The following SLC12A3 variants were observed in gnomAD, a reference collection of about 807,000 sequenced individuals.
SLC12A3 encodes Na-Cl cotransporter.
SLC12A3 carries 104 observed loss-of-function variants against 121.0 expected under a neutral mutation model. The observed-to-expected ratio is 0.86, with a 90% CI of 0.73 to 1.01. The LOEUF (loss-of-function observed/expected upper bound fraction) is 1.01, where lower values mean the gene tolerates loss of function less well. SLC12A3 is among the 50% of genes least tolerant of loss of function. SLC12A3 has a pLI of 0.00. For synonymous variants in SLC12A3, 536 were observed against 533.4 expected (o/e 1.00, Z -0.07); for missense variants, 1,328 against 1,356.3 (o/e 0.98, Z 0.33).
At chr16:56,900,971 C>T (rs138454318) in intron 23 of SLC12A3, among the ~76,000 whole-genome samples, 378 of 152,280 alleles carry the variant, frequency 2.5e-3, no homozygotes, top group Non-Finnish European at 4.1e-3. Flanking sequence ...CTAATCCTCC[C>T]GCTCCCAACC....
At chr16:56,884,728 C>T (rs2055287809) in intron 14 of SLC12A3, among the ~76,000 whole-genome samples, 1 of 152,110 alleles carries the variant, frequency 6.6e-6, no homozygotes, top group African/African-American at 2.4e-5. Flanking sequence ...AAAGGTTTGG[C>T]AAGGCAGGAG....
At chr16:56,890,896 C>G (rs1319581541) in intron 19 of SLC12A3, among the ~76,000 whole-genome samples, 2 of 120,560 alleles carry the variant, frequency 1.7e-5, no homozygotes, top group Non-Finnish European at 3.4e-5. Context: ...GAGCAAGACT[C>G]CATCTCAAAA....
chr16:56,882,416 C>G lies in SLC12A3; in HGVS notation c.1588C>G (p.Pro530Ala). ...CGAAGCTGAGCTCAACACCATAGCC[C>G]CCATCATTTCCAACTTCTTCCTCTG... ...IIIAELNTIA[P>A]IISNFFLCSY... Residue 530 changes from proline (P) to alanine (A), a missense_variant, in exon 13 of 26, where the codon CCC (proline) becomes GCC (alanine). Physicochemically the swap from Pro to Ala is conservative, Grantham distance 27. Transcript: ENST00000563236. The G allele has an allele frequency of 6.2e-7, 1 of 1,614,120 alleles. No homozygotes were observed. The highest frequency in any genetic ancestry group is 1.1e-5 in the South Asian group (1 of 91,084).
Position 56,868,360 on chromosome 16 carries a change from C to CA in SLC12A3, c.494dup (p.Ala166GlyfsTer93). ...CCTGCGGCTGCCCTGGATTACGGCC[C>CA]AGGCAGGCATCGGTGAGTGCCCCTC... On this transcript the variant is annotated frameshift_variant, in exon 3 of 26. Coordinates refer to ENST00000563236, the MANE Select transcript of SLC12A3 (RefSeq NM_001126108.2). LOFTEE classifies it high-confidence loss of function. 6.2e-7 allele frequency: 1 copy of CA among 1,613,196 alleles called. No homozygotes were observed. The highest frequency in any genetic ancestry group is 1.3e-5 in the African/African-American group (1 of 75,046).
intron 8 of SLC12A3, among the ~76,000 whole-genome samples, chr16:56,877,249 C>T (rs769165867): frequency 5.3e-5 from 8 of 151,726 alleles, no homozygotes; most frequent in African/African-American, 1.5e-4. Flanking sequence ...AAAATTAGGG[C>T]GCCTATAGTG....
intron 11 of SLC12A3, among the ~76,000 whole-genome samples, chr16:56,879,929 C>T (rs1234603124): frequency 1.3e-5 from 2 of 152,170 alleles, no homozygotes; most frequent in African/African-American, 2.4e-5. Flanking sequence ...ATCCATCCCC[C>T]AGTCATGCTC....
intron 25 of SLC12A3, among the ~76,000 whole-genome samples, chr16:56,912,022 C>T (rs769135503): frequency 4.6e-5 from 7 of 152,262 alleles, no homozygotes; most frequent in Non-Finnish European, 7.3e-5. Context: ...GGCAAAGCCA[C>T]GACTCGGACG....
chr16:56,908,521 G>A (rs749325686), intron 25 of SLC12A3, among the ~76,000 whole-genome samples: 1 of 151,952 alleles, frequency 6.6e-6, no homozygotes, highest in Non-Finnish European at 1.5e-5. Flanking sequence ...GTGACTTAAG[G>A]CATTAGAAAA....
chr16:56,888,343 C>T (rs1252836220), intron 18 of SLC12A3, among the ~76,000 whole-genome samples: 22 of 152,246 alleles, frequency 1.4e-4, no homozygotes, highest in African/African-American at 4.1e-4. Context: ...TGAAGATGCC[C>T]GTCTCTGACC....
chr16:56,868,698 C>T (rs1203804813), intron 3 of SLC12A3, among the ~76,000 whole-genome samples: 3 of 152,296 alleles, frequency 2.0e-5, no homozygotes, highest in South Asian at 2.1e-4. Context: ...CACGGTGGCT[C>T]ACGCTTTGGG....
rs373899077 is a variant in SLC12A3 at position 56,894,563 on chromosome 16, C to T, written c.2554C>T (p.Arg852Cys). ...LTLLIPYLLG[R>C]KRRWSKCKIR... ...CCTCCTCATTCCCTATCTCCTTGGCCGCAAGAGGAGGTGGAGCAAATGCAA... is the reference window on the plus strand; with the variant it reads ...CCTCCTCATTCCCTATCTCCTTGGCTGCAAGAGGAGGTGGAGCAAATGCAA... Residue 852 changes from arginine to cysteine, a missense_variant, in exon 22 of 26, where the codon CGC becomes TGC. Coordinates refer to ENST00000563236, the MANE Select transcript of SLC12A3 (RefSeq NM_001126108.2). 1.6e-4 allele frequency: 257 copies of T among 1,613,968 alleles called. No homozygotes were observed. The highest frequency in any genetic ancestry group is 2.0e-4 in the Non-Finnish European group (239 of 1,179,952).
chr16:56,881,785 A>T (rs1289550449), intron 12 of SLC12A3, among the ~76,000 whole-genome samples: 1 of 152,110 alleles, frequency 6.6e-6, no homozygotes, highest in Non-Finnish European at 1.5e-5. Flanking sequence ...ACAATGGCTC[A>T]TGCCTGTAAT....
At chr16:56,878,012 T>A in intron 8 of SLC12A3, 65 bp from the exon 9 acceptor site, 1 of 731,710 alleles carries the variant, frequency 1.4e-6, no homozygotes, top group Non-Finnish European at 2.0e-6. Context: ...GGCTGCCTAA[T>A]GTCCTCCGTC....
chr16:56,881,849 G>T (rs1310947988), intron 12 of SLC12A3, among the ~76,000 whole-genome samples: 1 of 152,012 alleles, frequency 6.6e-6, no homozygotes, highest in Non-Finnish European at 1.5e-5. Flanking sequence ...AGGAGTTCGA[G>T]ACCAGCCTGG....
intron 6 of SLC12A3, among the ~76,000 whole-genome samples, chr16:56,871,166 C>T (rs2055091764): frequency 6.6e-6 from 1 of 152,138 alleles, no homozygotes; most frequent in South Asian, 2.1e-4. Flanking sequence ...AACCTAGGTC[C>T]ACATGGCCCA....
chr16:56,876,888 G>A (rs1327103887), intron 8 of SLC12A3, among the ~76,000 whole-genome samples: 3 of 152,196 alleles, frequency 2.0e-5, no homozygotes, highest in Non-Finnish European at 4.4e-5. Context: ...AGCCTGTGTT[G>A]CTGCACCCAG....
At chr16:56,869,701 C>T (rs766031137) in intron 3 of SLC12A3, 28 bp from the exon 4 acceptor site, 3 of 1,601,236 alleles carry the variant, frequency 1.9e-6, no homozygotes, top group Non-Finnish European at 2.6e-6. Flanking sequence ...GGGAAATGCC[C>T]TGCCTAAGCT....
intron 1 of SLC12A3, among the ~76,000 whole-genome samples, chr16:56,865,994 T>C (rs2087457779): frequency 6.7e-6 from 1 of 148,772 alleles, no homozygotes; most frequent in Non-Finnish European, 1.5e-5. Context: ...TTCTTTTCTT[T>C]TTTTTTTTTG....
chr16:56,903,654 C>G (rs1048491008), intron 24 of SLC12A3, among the ~76,000 whole-genome samples: 2 of 152,182 alleles, frequency 1.3e-5, no homozygotes, highest in Non-Finnish European at 2.9e-5. Context: ...CTCTTGGTCT[C>G]CAGGATAGGG....
Sources: gnomAD v4.1 joint callset for allele counts (sites outside exome capture counted in the v4.1 genomes callset) on GRCh38, gnomAD v4.1.1 for gene constraint, MANE v1.5 for transcripts, NCBI Gene and HGNC (gene_info 2026-07-23, HGNC 2026-07-21) for gene names.